TG: variants seen among roughly 807,000 people sequenced by gnomAD.
TG encodes the protein thyroid hormones.
Under a neutral mutation model 324.7 loss-of-function variants are expected in TG, and 270 were observed. The observed-to-expected ratio is 0.83, with a 90% CI of 0.75 to 0.92. The LOEUF is 0.92. Among genes scored for constraint, TG ranks in the 40% least tolerant of loss-of-function variants. The pLI is 0.00. For missense variants in TG, 3,591 were observed against 3,456.4 expected (o/e 1.04, Z -0.98); for synonymous variants, 1,401 against 1,327.0 (o/e 1.06, Z -1.21).
chr8:133,025,171 A>C (rs1835964098), intron 40 of TG, among the ~76,000 whole-genome samples: 1 of 152,206 alleles, frequency 6.6e-6, no homozygotes, highest in Admixed American at 6.5e-5. Context: ...AGAGATAAGG[A>C]AAGGGCAGAG....
intron 41 of TG, among the ~76,000 whole-genome samples, chr8:133,035,632 G>A (rs1036281939): frequency 6.6e-6 from 1 of 152,020 alleles, no homozygotes; most frequent in Admixed American, 6.6e-5. Flanking sequence ...ATTAACATAG[G>A]TTGCAATCAT....
At chr8:132,985,988 C>A (rs1305057249) in intron 35 of TG, among the ~76,000 whole-genome samples, 1 of 151,942 alleles carries the variant, frequency 6.6e-6, no homozygotes, top group African/African-American at 2.4e-5. Context: ...GTATTTAATT[C>A]AAAACAATAC....
chr8:133,055,361 G>A (rs1311220112), intron 41 of TG, among the ~76,000 whole-genome samples: 69 of 131,754 alleles, frequency 5.2e-4, no homozygotes, highest in African/African-American at 1.1e-3. Flanking sequence ...ACACACGCAC[G>A]CGCGCACACA....
intron 35 of TG, among the ~76,000 whole-genome samples, chr8:132,990,364 T>C (rs10099487): frequency 0.17 from 25,225 of 152,102 alleles, 2,606 homozygotes; most frequent in Middle Eastern, 0.31. Flanking sequence ...GTATACAATG[T>C]GTAATGATCA....
At chr8:132,966,975 C>T (rs569411445) in intron 30 of TG, among the ~76,000 whole-genome samples, 5 of 152,070 alleles carry the variant, frequency 3.3e-5, no homozygotes, top group Non-Finnish European at 5.9e-5. Flanking sequence ...ATCTACCCAT[C>T]CATCCCATTC....
intron 41 of TG, among the ~76,000 whole-genome samples, chr8:133,076,349 G>A (rs905385951): frequency 6.6e-6 from 1 of 152,222 alleles, no homozygotes; most frequent in Non-Finnish European, 1.5e-5. Context: ...ACCTCACTTG[G>A]GGTAGTTTGC....
intron 41 of TG, among the ~76,000 whole-genome samples, chr8:133,067,909 AGGAAG>A: frequency 1.7e-5 from 1 of 59,990 alleles, no homozygotes; most frequent in South Asian, 4.0e-4. Flanking sequence ...GAAGGAAGGA[AGGAAG>A]GAAAGAGAGA....
At chr8:132,976,180 C>T (rs1034938612) in intron 34 of TG, among the ~76,000 whole-genome samples, 2 of 152,154 alleles carry the variant, frequency 1.3e-5, no homozygotes, top group African/African-American at 4.8e-5. Context: ...TTTTGTGCTG[C>T]TATAACAGAA....
intron 34 of TG, 108 bp downstream of exon 34, chr8:132,972,849 T>A (rs1275206019): frequency 2.1e-6 from 3 of 1,429,408 alleles, no homozygotes; most frequent in African/African-American, 2.8e-5. Context: ...TGAAGACTCA[T>A]TGGGTTCAAG....
chr8:133,111,618 G>C (rs1163608518), intron 43 of TG, among the ~76,000 whole-genome samples: 1 of 152,214 alleles, frequency 6.6e-6, no homozygotes, highest in Admixed American at 6.5e-5. Context: ...GAAACTCTCA[G>C]ATGCGTTGTA....
chr8:132,964,929 C>G (rs747133357), intron 29 of TG: 7 of 702,172 alleles, frequency 1.0e-5, no homozygotes, highest in Non-Finnish European at 1.8e-5. Context: ...GCCAGATGCT[C>G]CCAGGTATAC....
At chr8:133,036,123 A>G (rs1043433728) in intron 41 of TG, among the ~76,000 whole-genome samples, 4 of 152,124 alleles carry the variant, frequency 2.6e-5, no homozygotes, top group African/African-American at 4.8e-5. Flanking sequence ...CACTTCCTAG[A>G]TCTTTACAAG....
At position 132,881,923 on chromosome 8, in the gene TG, G is replaced by A; in HGVS notation, c.699G>A (p.Gly233=). 5.0e-6 allele frequency: 8 copies of A among 1,614,202 alleles called. No individual in the cohort carries two copies. The highest frequency in any genetic ancestry group is 6.8e-6 in the Non-Finnish European group (8 of 1,180,022). ...SFQRRFPEVS[G]YCHCADSQGR... The stretch of plus-strand genomic sequence containing the variant: ...AGAGGAGGTTCCCTGAGGTATCTGG[G>A]TATTGCCACTGTGCTGACAGCCAAG... The change falls in exon 6 of 48, where the codon GGG becomes GGA. Residue 233 remains glycine (G), a synonymous_variant. Transcript: ENST00000220616.
chr8:133,035,033 A>G (rs1836959228), intron 41 of TG, among the ~76,000 whole-genome samples: 1 of 152,188 alleles, frequency 6.6e-6, no homozygotes, highest in African/African-American at 2.4e-5. Flanking sequence ...CTGTGTTTTC[A>G]GAAGTCTATT....
intron 45 of TG, among the ~76,000 whole-genome samples, chr8:133,122,144 T>C (rs189239282): frequency 6.6e-6 from 1 of 152,362 alleles, no homozygotes; most frequent in African/African-American, 2.4e-5. Flanking sequence ...GAATTATTGC[T>C]TTCTTATAGA....
At chr8:133,058,229 G>T (rs766308862) in intron 41 of TG, among the ~76,000 whole-genome samples, 1 of 152,268 alleles carries the variant, frequency 6.6e-6, no homozygotes, top group Admixed American at 6.5e-5. Context: ...ACCAATGATC[G>T]GGGGAACGTT....
At chr8:133,074,876 T>C (rs1450950222) in intron 41 of TG, 4 of 985,456 alleles carry the variant, frequency 4.1e-6, no homozygotes, top group Non-Finnish European at 3.6e-6. Context: ...GCATGACTCC[T>C]GTGGGAGCTG....
intron 45 of TG, 66 bp downstream of exon 45, chr8:133,116,782 A>G (rs1850730529): frequency 5.3e-6 from 7 of 1,331,840 alleles, no homozygotes; most frequent in South Asian, 4.7e-5. Context: ...GTTCGATGAC[A>G]TGGGACACAC....
At chr8:133,109,302 C>A (rs755336405) in intron 43 of TG, among the ~76,000 whole-genome samples, 23 of 152,146 alleles carry the variant, frequency 1.5e-4, no homozygotes, top group Non-Finnish European at 3.2e-4. Context: ...GAGTCAGAAT[C>A]TGTATTTTAT....
Sources: allele counts gnomAD v4.1 joint callset (sites outside exome capture counted in the v4.1 genomes callset), GRCh38; gene constraint gnomAD v4.1.1; transcripts MANE v1.5; gene names NCBI Gene and HGNC (gene_info 2026-07-23, HGNC 2026-07-21).